Variants in APBA2 observed in about 807,000 individuals in gnomAD.
The protein encoded by APBA2 is amyloid beta precursor protein binding family A member 2, also known as amyloid-beta A4 precursor protein-binding family A member 2.
Under a neutral mutation model 75.0 loss-of-function variants are expected in APBA2, and 30 were observed. The ratio of observed to expected loss-of-function variants is 0.40; its 90% CI spans 0.30 to 0.54. The LOEUF (loss-of-function observed/expected upper bound fraction) is 0.54, where lower values mean the gene tolerates loss of function less well. Ranked by LOEUF, APBA2 falls within the 20% of genes least tolerant of loss-of-function variation. APBA2 has a pLI of 0.49. For missense variants in APBA2, 801 were observed against 1,016.1 expected (o/e 0.79, Z 2.88); for synonymous variants, 444 against 409.6 (o/e 1.08, Z -1.01).
chr15:29,079,109 C>G (rs1329999150), intron 6 of APBA2, among the ~76,000 whole-genome samples: 1 of 152,164 alleles, frequency 6.6e-6, no homozygotes, highest in African/African-American at 2.4e-5. Flanking sequence ...TGGCATGTCT[C>G]TTGAAGGTGA....
intron 2 of APBA2, among the ~76,000 whole-genome samples, chr15:28,944,050 C>T (rs559384385): frequency 6.6e-6 from 1 of 152,250 alleles, no homozygotes; most frequent in South Asian, 2.1e-4. Flanking sequence ...CCACTCTCCA[C>T]CCTGGCCTAC....
chr15:29,076,549 C>T (rs541141155), intron 6 of APBA2, among the ~76,000 whole-genome samples: 161 of 150,660 alleles, frequency 1.1e-3, no homozygotes, highest in African/African-American at 3.7e-3. Flanking sequence ...TGAAACTGGT[C>T]GATATGTTCT....
At position 28,991,771 on chromosome 15, in the gene APBA2, T is replaced by TCGG. The variant is rs1175567029; in HGVS notation, c.-94-3981_-94-3980insGGC. On this transcript the variant is annotated intron_variant, in intron 2 of 14. Coordinates refer to ENST00000683413, the MANE Select transcript of APBA2 (RefSeq NM_001353788.2). The surrounding 1 kb of genome is among the most constrained non-coding windows in gnomAD (Gnocchi z 4.7). ...ACCCCTTCCAACCCATCCCAGGGCC[T>TCGG]CTGCTCAGTGTGGCCAGAGCCTCCT... Among the ~76,000 whole-genome samples the TCGG allele has an allele frequency of 1.7e-4, 26 of 152,196 alleles. 1 individual carries two copies. The highest frequency in any genetic ancestry group is 4.4e-5 in the Non-Finnish European group (3 of 68,036).
intron 2 of APBA2, among the ~76,000 whole-genome samples, chr15:28,960,727 C>T: frequency 6.6e-6 from 1 of 151,520 alleles, no homozygotes; most frequent in Admixed American, 6.6e-5. Context: ...TTCAGACCAC[C>T]CCTGGGAGAG....
At chr15:29,015,920 T>C (rs758326177) in intron 3 of APBA2, among the ~76,000 whole-genome samples, 11 of 152,156 alleles carry the variant, frequency 7.2e-5, no homozygotes, top group Non-Finnish European at 1.6e-4. Flanking sequence ...CCCAGAATTA[T>C]TGTGAGGAAC....
chr15:29,102,165 A>G (rs1342404562), intron 10 of APBA2: 2 of 356,698 alleles, frequency 5.6e-6, no homozygotes, highest in Admixed American at 8.7e-5. Flanking sequence ...GCACATCTGC[A>G]CATGAGGCTT....
At chr15:29,091,867 C>T (rs780334556) in intron 6 of APBA2, among the ~76,000 whole-genome samples, 4 of 152,066 alleles carry the variant, frequency 2.6e-5, no homozygotes, top group Admixed American at 6.5e-5. Flanking sequence ...TGGCTGGGCC[C>T]GTGATGCTGG....
chr15:29,067,458 G>A (rs893461739), intron 4 of APBA2, among the ~76,000 whole-genome samples: 5 of 152,062 alleles, frequency 3.3e-5, no homozygotes, highest in Non-Finnish European at 7.4e-5. Flanking sequence ...AATGAGCCAT[G>A]AGTAAATAAC....
intron 3 of APBA2, among the ~76,000 whole-genome samples, chr15:29,003,464 G>A (rs2038955871): frequency 6.6e-6 from 1 of 152,234 alleles, no homozygotes; most frequent in Admixed American, 6.5e-5. Flanking sequence ...GAGGCTCAGA[G>A]TAGTTAAGCC....
At chr15:28,973,570 A>G (rs1326743124) in intron 2 of APBA2, among the ~76,000 whole-genome samples, 2 of 152,218 alleles carry the variant, frequency 1.3e-5, no homozygotes, top group South Asian at 2.1e-4. Context: ...GCTTCATCCA[A>G]TGAAAAGATG....
chr15:29,025,091 A>T (rs141478802), intron 3 of APBA2, among the ~76,000 whole-genome samples: 3 of 151,932 alleles, frequency 2.0e-5, no homozygotes, highest in African/African-American at 7.3e-5. Context: ...TATGCATTCT[A>T]TTGCAGCATG....
chr15:29,043,582 T>C (rs1489474551), intron 3 of APBA2, among the ~76,000 whole-genome samples: 1 of 152,240 alleles, frequency 6.6e-6, no homozygotes. Flanking sequence ...TTCTTCACAG[T>C]TGATTCTGTG....
rs201952856 is a variant in APBA2 at position 28,958,900 on chromosome 15, G to A, written c.-94-36853G>A. Reference sequence around the variant, plus strand: ...TTACTTGGCTATAGTCTTGTTTTTAGTACTGCTTTGGTGGTTCAGTAACTA... The same window carrying A: ...TTACTTGGCTATAGTCTTGTTTTTAATACTGCTTTGGTGGTTCAGTAACTA... On this transcript the variant is annotated intron_variant, in intron 2 of 14. Coordinates refer to ENST00000683413, the MANE Select transcript of APBA2 (RefSeq NM_001353788.2). 2.6e-5 allele frequency among the ~76,000 whole-genome samples: 4 copies of A among 151,010 alleles called. No homozygotes were observed. In the East Asian group the frequency reaches 5.9e-4, roughly 22 times the overall value.
chr15:29,009,252 C>T (rs2039283216), intron 3 of APBA2, among the ~76,000 whole-genome samples: 1 of 152,134 alleles, frequency 6.6e-6, no homozygotes, highest in African/African-American at 2.4e-5. Context: ...ACATTGCACC[C>T]CCTCCCCTCA....
intron 11 of APBA2, 43 bp from the exon 12 acceptor site, chr15:29,106,564 G>A: frequency 1.9e-6 from 3 of 1,609,726 alleles, no homozygotes; most frequent in Non-Finnish European, 2.5e-6. Flanking sequence ...AGAGGCCTCG[G>A]TCCTTGCCGC....
intron 3 of APBA2, among the ~76,000 whole-genome samples, chr15:29,044,605 C>A (rs189139027): frequency 3.9e-5 from 6 of 152,170 alleles, no homozygotes; most frequent in Non-Finnish European, 7.4e-5. Context: ...GGCCACACCC[C>A]CCCTGGGCTC....
At chr15:29,091,436 G>A (rs1469596076) in intron 6 of APBA2, among the ~76,000 whole-genome samples, 1 of 152,132 alleles carries the variant, frequency 6.6e-6, no homozygotes, top group East Asian at 1.9e-4. Context: ...GGTGAGGGAG[G>A]GGCAGCCAGG....
chr15:29,084,144 T>G (rs1344412854), intron 6 of APBA2, among the ~76,000 whole-genome samples: 1 of 152,224 alleles, frequency 6.6e-6, no homozygotes, highest in African/African-American at 2.4e-5. Flanking sequence ...AACCATTGCC[T>G]TAGTGAATTC....
chr15:29,008,681 C>A (rs1348061722), intron 3 of APBA2, among the ~76,000 whole-genome samples: 3 of 152,024 alleles, frequency 2.0e-5, no homozygotes, highest in African/African-American at 7.3e-5. Context: ...TGCATTCCAG[C>A]CTAGGTAACA....
Sources: allele counts gnomAD v4.1 joint callset (sites outside exome capture counted in the v4.1 genomes callset), GRCh38; gene constraint gnomAD v4.1.1; non-coding constraint Gnocchi (gnomAD v3.1); transcripts MANE v1.5; gene names NCBI Gene and HGNC (gene_info 2026-07-23, HGNC 2026-07-21).